KCNK2: variants seen among roughly 807,000 people sequenced by gnomAD.
KCNK2 encodes the protein potassium two pore domain channel subfamily K member 2.
KCNK2 carries 21 observed loss-of-function variants against 40.5 expected under a neutral mutation model. That is an observed-to-expected ratio of 0.52 (90% CI 0.37 to 0.75). The LOEUF (loss-of-function observed/expected upper bound fraction) is 0.75. Among genes scored for constraint, KCNK2 ranks in the 30% least tolerant of loss-of-function variants. KCNK2 has a pLI of 0.00. For missense variants in KCNK2, 399 were observed against 531.6 expected (o/e 0.75, Z 2.45); for synonymous variants, 191 against 202.2 (o/e 0.94, Z 0.47).
chr1:215,024,461 G>A (rs74140869), intron 1 of KCNK2, among the ~76,000 whole-genome samples: 5,281 of 152,258 alleles, frequency 0.035, 283 homozygotes, highest in African/African-American at 0.12. Context: ...AGCCTATGCC[G>A]TCTTTCAGAC....
intron 5 of KCNK2, among the ~76,000 whole-genome samples, chr1:215,188,087 C>T (rs1162408809): frequency 6.6e-6 from 1 of 152,136 alleles, no homozygotes; most frequent in Non-Finnish European, 1.5e-5. Context: ...CATATTCCAT[C>T]TGAGCATGAA....
intron 3 of KCNK2, among the ~76,000 whole-genome samples, chr1:215,157,232 T>C (rs759134455): frequency 6.6e-6 from 1 of 152,174 alleles, no homozygotes; most frequent in Non-Finnish European, 1.5e-5. Context: ...TATACTGAGC[T>C]TTAAGGCTGA....
intron 1 of KCNK2, among the ~76,000 whole-genome samples, chr1:215,074,515 G>T (rs1658865712): frequency 6.6e-6 from 1 of 152,164 alleles, no homozygotes; most frequent in African/African-American, 2.4e-5. Context: ...GTGATCTCAG[G>T]TGAAGGCAAA....
At chr1:215,006,555 GT>G (rs1656134873) in intron 1 of KCNK2, among the ~76,000 whole-genome samples, 1 of 152,042 alleles carries the variant, frequency 6.6e-6, no homozygotes, top group African/African-American at 2.4e-5. Context: ...TTATTTAGAT[GT>G]CTCTATGTGA....
chr1:215,185,309 C>T (rs1664389490), intron 5 of KCNK2, among the ~76,000 whole-genome samples: 1 of 152,016 alleles, frequency 6.6e-6, no homozygotes, highest in Non-Finnish European at 1.5e-5. Flanking sequence ...CTGTGTTGGT[C>T]TTTGTGAAGC....
chr1:215,186,930 A>G (rs941717881), intron 5 of KCNK2, among the ~76,000 whole-genome samples: 4 of 152,156 alleles, frequency 2.6e-5, no homozygotes, highest in African/African-American at 9.7e-5. Context: ...AGAAGAGAGA[A>G]AGGAAATTAT....
At chr1:215,021,525 T>C (rs1656785316) in intron 1 of KCNK2, among the ~76,000 whole-genome samples, 1 of 144,108 alleles carries the variant, frequency 6.9e-6, no homozygotes, top group Non-Finnish European at 1.5e-5. Flanking sequence ...CTTCTGGAGC[T>C]GGGACAACCA....
chr1:215,140,945 AT>A (rs1175655660), intron 3 of KCNK2, among the ~76,000 whole-genome samples: 1 of 152,124 alleles, frequency 6.6e-6, no homozygotes, highest in African/African-American at 2.4e-5. Context: ...CTGTACAAAA[AT>A]ATTTTATTTA....
At chr1:215,206,588 A>G (rs1665322625) in intron 6 of KCNK2, among the ~76,000 whole-genome samples, 1 of 152,160 alleles carries the variant, frequency 6.6e-6, no homozygotes, top group African/African-American at 2.4e-5. Flanking sequence ...CAGACTATGG[A>G]ATAATTATTG....
At chr1:215,232,660 G>T (rs1666716706) in intron 6 of KCNK2, among the ~76,000 whole-genome samples, 1 of 152,092 alleles carries the variant, frequency 6.6e-6, no homozygotes, top group Non-Finnish European at 1.5e-5. Context: ...TTTGAATTTT[G>T]ATGCACAAAG....
intron 2 of KCNK2, among the ~76,000 whole-genome samples, chr1:215,122,906 G>A (rs544072848): frequency 1.6e-3 from 250 of 151,590 alleles, no homozygotes; most frequent in African/African-American, 5.6e-3. Flanking sequence ...TACCACGCTC[G>A]GCTAGTTTTT....
At chr1:215,071,989 G>A (rs1658770953) in intron 1 of KCNK2, among the ~76,000 whole-genome samples, 1 of 152,156 alleles carries the variant, frequency 6.6e-6, no homozygotes, top group African/African-American at 2.4e-5. Flanking sequence ...ATGGAGTTTT[G>A]TATTAATGTT....
chr1:215,234,915 A>G lies in KCNK2; in HGVS notation c.1051A>G (p.Ile351Val). 6.2e-7 allele frequency: 1 copy of G among 1,614,034 alleles called. No homozygotes were observed. The highest frequency in any genetic ancestry group is 8.5e-7 in the Non-Finnish European group (1 of 1,180,000). ...KETRRRLSVE[I>V]YDKFQRATSI... is the part of the protein sequence containing the mutation. Reference sequence around the variant, plus strand: ...AACCAGGAGGCGACTGAGTGTGGAGATTTATGACAAGTTCCAGCGGGCCAC... The same window carrying G: ...AACCAGGAGGCGACTGAGTGTGGAGGTTTATGACAAGTTCCAGCGGGCCAC... Residue 351 changes from isoleucine to valine, a missense_variant, in exon 7 of 7, where the codon ATT becomes GTT. Coordinates refer to ENST00000444842, the MANE Select transcript of KCNK2 (RefSeq NM_001017425.3).
chr1:215,205,502 C>G (rs1400548189), intron 6 of KCNK2, among the ~76,000 whole-genome samples: 1 of 152,142 alleles, frequency 6.6e-6, no homozygotes, highest in East Asian at 1.9e-4. Flanking sequence ...CTCGGCCTCC[C>G]AAAGTGCTGG....
At chr1:215,058,371 C>G (rs990367125) in intron 1 of KCNK2, among the ~76,000 whole-genome samples, 1 of 152,166 alleles carries the variant, frequency 6.6e-6, no homozygotes, top group East Asian at 1.9e-4. Flanking sequence ...ATTAGTTATG[C>G]AGATTGGAGT....
chr1:215,230,092 T>TATAC (rs1198375667), intron 6 of KCNK2, among the ~76,000 whole-genome samples: 3,597 of 141,218 alleles, frequency 0.025, 107 homozygotes, highest in Middle Eastern at 0.043. Context: ...TGTGTGTGTA[T>TATAC]ACACACACAC....
intron 2 of KCNK2, among the ~76,000 whole-genome samples, chr1:215,089,149 T>A (rs1659586492): frequency 6.6e-6 from 1 of 152,190 alleles, no homozygotes; most frequent in South Asian, 2.1e-4. Flanking sequence ...TTTTTTCACA[T>A]TTATTTTCCC....
intron 1 of KCNK2, among the ~76,000 whole-genome samples, chr1:215,028,937 T>A (rs1657088669): frequency 6.6e-6 from 1 of 151,774 alleles, no homozygotes; most frequent in South Asian, 2.1e-4. Context: ...AGAATAATGT[T>A]TTTGAAATTC....
chr1:215,160,754 T>C (rs893120928), intron 3 of KCNK2, among the ~76,000 whole-genome samples: 2 of 152,166 alleles, frequency 1.3e-5, no homozygotes, highest in African/African-American at 4.8e-5. Context: ...TGGAATGTTG[T>C]CGTAGGCTCT....
Sources: gnomAD v4.1 joint callset for allele counts (sites outside exome capture counted in the v4.1 genomes callset) on GRCh38, gnomAD v4.1.1 for gene constraint, MANE v1.5 for transcripts, NCBI Gene and HGNC (gene_info 2026-07-23, HGNC 2026-07-21) for gene names.